Variants in TECR observed in about 807,000 individuals in gnomAD.
The protein encoded by TECR is trans-2,3-enoyl-CoA reductase.
In TECR, 19 loss-of-function variants were observed where a neutral mutation model predicts 50.6. The observed-to-expected ratio is 0.38, with a 90% confidence interval of 0.26 to 0.55. TECR has a LOEUF of 0.55. TECR is among the 20% of genes least tolerant of loss of function. The pLI is 0.79. For synonymous variants in TECR, 168 were observed against 163.5 expected, an observed-to-expected ratio of 1.03 and a Z score of -0.21; for missense variants, 313 against 408.3, an observed-to-expected ratio of 0.77 and a Z score of 2.01.
chr19:14,546,540 C>T (rs996306589), intron 1 of TECR, among the ~76,000 whole-genome samples: 11 of 152,114 alleles, frequency 7.2e-5, no homozygotes, highest in Admixed American at 5.2e-4. Context: ...TGAGCAACCT[C>T]CTGCAGAAAT....
At chr19:14,537,553 A>G (rs1046900218) in intron 1 of TECR, among the ~76,000 whole-genome samples, 1 of 152,076 alleles carries the variant, frequency 6.6e-6, no homozygotes, top group Non-Finnish European at 1.5e-5. Context: ...TTTCATTGAC[A>G]AGCCTGGCTG....
chr19:14,539,196 G>A lies in TECR; in HGVS notation c.15+9485G>A, dbSNP rs1017516687. ...TTTTTAGTAGAGACGAAGTTTTACCGTGTTAGCCAGGATGGTCTCGATCTC... is the reference window on the plus strand; with the variant it reads ...TTTTTAGTAGAGACGAAGTTTTACCATGTTAGCCAGGATGGTCTCGATCTC... On this transcript the variant is annotated intron_variant, in intron 1 of 12. Transcript: ENST00000215567. Among the ~76,000 whole-genome samples the A allele has an allele frequency of 8.3e-5, 10 of 120,054 alleles. No homozygotes were observed. The South Asian group carries it at 1.3e-3, about 16-fold the overall frequency. The allele number at this position is 120,054 out of a possible 152,430, so 78.8% of individuals were successfully genotyped here. A position where few individuals can be genotyped will look rare whatever the true frequency, so the allele number is the denominator to read the frequency against.
At chr19:14,550,724 A>C (rs2073469825) in intron 1 of TECR, among the ~76,000 whole-genome samples, 1 of 152,116 alleles carries the variant, frequency 6.6e-6, no homozygotes, top group Admixed American at 6.5e-5. Context: ...TCTGTTGCAC[A>C]TGCAGCAGTA....
chr19:14,553,708 GC>G (rs1360920492), intron 1 of TECR, among the ~76,000 whole-genome samples: 1 of 151,946 alleles, frequency 6.6e-6, no homozygotes, highest in African/African-American at 2.4e-5. Context: ...TGTGATGGGG[GC>G]GAGGTGATGG....
At chr19:14,556,202 G>A (rs2146614426) in intron 1 of TECR, among the ~76,000 whole-genome samples, 1 of 152,266 alleles carries the variant, frequency 6.6e-6, no homozygotes, top group South Asian at 2.1e-4. Flanking sequence ...AGCCACGCTA[G>A]GTATGGTCCA....
At chr19:14,534,107 C>T (rs1461413623) in intron 1 of TECR, 2 of 151,932 alleles carry the variant, frequency 1.3e-5, no homozygotes, top group African/African-American at 4.8e-5. Context: ...TCCCCCATAA[C>T]CCACATTTAG....
At chr19:14,561,422 C>A (rs950442692) in intron 1 of TECR, among the ~76,000 whole-genome samples, 1 of 152,142 alleles carries the variant, frequency 6.6e-6, no homozygotes, top group African/African-American at 2.4e-5. Context: ...TCCCCGGGGG[C>A]TGCCTCCCTC....
chr19:14,545,009 C>T, intron 1 of TECR: 1 of 443,126 alleles, frequency 2.3e-6, no homozygotes, highest in Non-Finnish European at 4.6e-6. Flanking sequence ...CTTCTCTGTT[C>T]CCTCCCTGGT....
rs759073694 is a variant in TECR at position 14,565,068 on chromosome 19, C to T, written c.609C>T (p.Ile203=). 2 of 1,613,894 alleles carry T rather than the reference C, an allele frequency of 1.2e-6. No homozygotes were observed. Among genetic ancestry groups the T allele is most frequent in the South Asian group, 2.2e-5 (2 of 91,084 alleles). Residue 203 remains isoleucine, a splice_region_variant and synonymous_variant, in exon 10 of 13, where the codon ATC becomes ATT. Coordinates refer to ENST00000215567, the MANE Select transcript of TECR (RefSeq NM_138501.6). ...QVKLALAIFV[I]CQLGNFSIHM... is the part of the protein sequence containing the mutation. ...GGCTGATCCTGCTTCTCTGACAGAT[C>T]TGCCAGCTCGGCAACTTCTCCATCC...
intron 1 of TECR, chr19:14,531,368 A>G (rs1460394202): frequency 6.6e-6 from 1 of 151,680 alleles, no homozygotes; most frequent in Admixed American, 6.6e-5. Context: ...GAATATTACT[A>G]CCTCTGCCTC....
intron 1 of TECR, among the ~76,000 whole-genome samples, chr19:14,541,823 C>T (rs1366995653): frequency 6.6e-6 from 1 of 151,114 alleles, no homozygotes; most frequent in Admixed American, 6.6e-5. Flanking sequence ...ACTCTTGTCA[C>T]CAAGGCTGGA....
chr19:14,564,009 C>G lies in TECR; in HGVS notation c.295C>G (p.Leu99Val). 6.2e-7 allele frequency: 1 copy of G among 1,614,050 alleles called. No homozygotes were observed. Among genetic ancestry groups the G allele is most frequent in the Non-Finnish European group, 8.5e-7 (1 of 1,179,966 alleles). Reference protein sequence around the residue: ...TVFLTEYAGPLFIYLLFYFRV... With the variant: ...TVFLTEYAGPVFIYLLFYFRV... The stretch of plus-strand genomic sequence containing the variant: ...CTTCCTAACAGAGTACGCGGGGCCC[C>G]TTTTCATCTACCTGCTCTTCTACTT... The change falls in exon 6 of 13, where the codon CTT becomes GTT. Residue 99 changes from leucine to valine, a missense_variant. Leu to Val is a conservative substitution (Grantham distance 32). Transcript: ENST00000215567.
chr19:14,550,406 G>A (rs1482507610), intron 1 of TECR, among the ~76,000 whole-genome samples: 1 of 152,080 alleles, frequency 6.6e-6, no homozygotes, highest in African/African-American at 2.4e-5. Context: ...TCGGGCAGTC[G>A]GGGGTTGGCC....
chr19:14,551,884 TTTTC>T (rs1012468053), intron 1 of TECR, among the ~76,000 whole-genome samples: 6 of 151,340 alleles, frequency 4.0e-5, no homozygotes, highest in African/African-American at 1.5e-4. Context: ...TTCTTCCTCT[TTTTC>T]TTTCCTTTCT....
chr19:14,565,411 G>T, intron 11 of TECR, 121 bp downstream of exon 11: 4 of 1,413,344 alleles, frequency 2.8e-6, no homozygotes, highest in Non-Finnish European at 3.9e-6. Context: ...CGAGCATTGG[G>T]AGGTGGAGAC....
In TECR at chr19:14,549,942, C is replaced by CA. The variant is rs908988580; in HGVS notation, c.16-12572dup. ...TGGGCAACACAGTGAGACTCTGTCT[C>CA]AAAAAAAAAAATAAAAAAAATAAAC... On this transcript the variant is annotated intron_variant, in intron 1 of 12. Coordinates refer to ENST00000215567, the MANE Select transcript of TECR (RefSeq NM_138501.6). Among the ~76,000 whole-genome samples, 132 of 144,428 alleles carry CA rather than the reference C, an allele frequency of 9.1e-4. 1 individual carries two copies. Among genetic ancestry groups the CA allele is most frequent in the African/African-American group, 1.5e-3 (59 of 39,242 alleles). The allele number at this position is 144,428 out of a possible 152,430, so 94.8% of individuals were successfully genotyped here.
intron 1 of TECR, among the ~76,000 whole-genome samples, chr19:14,543,104 C>T (rs2073157162): frequency 1.3e-5 from 2 of 150,246 alleles, no homozygotes; most frequent in Non-Finnish European, 3.0e-5. Flanking sequence ...GAAGTTAACA[C>T]AAGCCCTGGG....
chr19:14,535,785 T>A (rs915253219), intron 1 of TECR, among the ~76,000 whole-genome samples: 1 of 117,800 alleles, frequency 8.5e-6, no homozygotes, highest in Non-Finnish European at 1.8e-5. Flanking sequence ...AAAGGGAAAG[T>A]GGTGAGCCTT....
chr19:14,543,891 C>T (rs1387499623), intron 1 of TECR, among the ~76,000 whole-genome samples: 1 of 151,456 alleles, frequency 6.6e-6, no homozygotes, highest in African/African-American at 2.4e-5. Flanking sequence ...ATGCACCACC[C>T]CACACCTGGC....
Sources: allele counts gnomAD v4.1 joint callset (sites outside exome capture counted in the v4.1 genomes callset), GRCh38; gene constraint gnomAD v4.1.1; transcripts MANE v1.5; gene names NCBI Gene and HGNC (gene_info 2026-07-23, HGNC 2026-07-21).